FAN1: variants seen among roughly 807,000 people sequenced by gnomAD.
FAN1 encodes the protein FANCD2 and FANCI associated nuclease 1.
Under a neutral mutation model 104.9 loss-of-function variants are expected in FAN1, and 91 were observed. The ratio of observed to expected loss-of-function variants is 0.87; its 90% CI spans 0.73 to 1.03. The LOEUF (loss-of-function observed/expected upper bound fraction) is 1.03, where lower values mean the gene tolerates loss of function less well. FAN1 is among the 50% of genes least tolerant of loss of function. The pLI is 0.00. For missense variants in FAN1, 1,263 were observed against 1,239.9 expected (o/e 1.02, Z -0.28); for synonymous variants, 478 against 457.6 (o/e 1.04, Z -0.57).
intron 10 of FAN1, 155 bp from the exon 11 acceptor site, chr15:30,928,398 C>T (rs1375275213): frequency 1.5e-5 from 22 of 1,460,994 alleles, no homozygotes; most frequent in African/African-American, 1.1e-4. Flanking sequence ...CTGGGAATGG[C>T]GTGAAAACAG....
At position 30,942,252 on chromosome 15, in the gene FAN1, T is replaced by TA. The variant is rs1236525787; in HGVS notation, c.*691dup. ...CTCCTCCCCTGGAATTACACTTTTT[T>TA]ATGTGTTGACTCTACCTAGGCTGTT... On this transcript the variant is annotated 3_prime_UTR_variant, in exon 15 of 15. Coordinates refer to ENST00000362065, the MANE Select transcript of FAN1 (RefSeq NM_014967.5). 6.4e-6 allele frequency: 5 copies of TA among 778,588 alleles called. No homozygotes were observed. Among genetic ancestry groups the TA allele is most frequent in the Middle Eastern group, 3.8e-4 (1 of 2,624 alleles). The allele number at this position is 778,588 out of a possible 1,614,324, so 48.2% of individuals were successfully genotyped here. A position where few individuals can be genotyped will look rare whatever the true frequency, so the allele number is the denominator to read the frequency against.
rs911676919 is a variant in FAN1 at position 30,939,515 on chromosome 15, A to C, written c.*4-2051A>C. 9 of 981,428 alleles carry C rather than the reference A, an allele frequency of 9.2e-6. No individual in the cohort carries two copies. The African/African-American group carries it at 1.4e-4, about 15-fold the overall frequency. The allele number at this position is 981,428 out of a possible 1,614,324, so 60.8% of individuals were successfully genotyped here. The stretch of plus-strand genomic sequence containing the variant: ...TAAACTGTAGCACAATAATCATGAT[A>C]TAACAACTGTCCAGCAAAAATAAAA... On this transcript the variant is annotated intron_variant, in intron 14 of 14. Coordinates refer to ENST00000362065, the MANE Select transcript of FAN1 (RefSeq NM_014967.5).
At chr15:30,936,595 G>T (rs2062859302) in intron 13 of FAN1, among the ~76,000 whole-genome samples, 1 of 152,198 alleles carries the variant, frequency 6.6e-6, no homozygotes, top group African/African-American at 2.4e-5. Context: ...GCTACATACA[G>T]ACGCTTCTCA....
At chr15:30,908,040 C>A in intron 2 of FAN1, 78 bp from the exon 3 acceptor site, 2 of 1,269,922 alleles carry the variant, frequency 1.6e-6, no homozygotes, top group Non-Finnish European at 2.2e-6. Flanking sequence ...ATGTGTATTT[C>A]TAAATCGTAC....
At chr15:30,929,946 TATA>T (rs1214700462) in intron 12 of FAN1, among the ~76,000 whole-genome samples, 10 of 120,456 alleles carry the variant, frequency 8.3e-5, no homozygotes, top group East Asian at 2.1e-4. Flanking sequence ...AAATATATAA[TATA>T]ATATATATCA....
chr15:30,906,790 T>G (rs960568083), intron 2 of FAN1, among the ~76,000 whole-genome samples: 3 of 152,240 alleles, frequency 2.0e-5, no homozygotes, highest in Non-Finnish European at 2.9e-5. Flanking sequence ...CACAGCTGTG[T>G]GTAGTATCCA....
At chr15:30,940,411 T>TTTTA (rs1435372443) in intron 14 of FAN1, 10 of 985,444 alleles carry the variant, frequency 1.0e-5, no homozygotes, top group African/African-American at 1.7e-5. Context: ...GAATCCATTT[T>TTTTA]TTTATTTCTC....
At chr15:30,911,991 G>A (rs2062109551) in intron 4 of FAN1, among the ~76,000 whole-genome samples, 1 of 151,928 alleles carries the variant, frequency 6.6e-6, no homozygotes, top group African/African-American at 2.4e-5. Context: ...GAACCTGGGA[G>A]GTAGAGGTTG....
intron 5 of FAN1, among the ~76,000 whole-genome samples, chr15:30,915,947 G>A (rs528417684): frequency 4.4e-4 from 67 of 152,236 alleles, no homozygotes; most frequent in African/African-American, 1.5e-3. Context: ...TGTGATATTT[G>A]CTTTTAGGAA....
intron 4 of FAN1, 101 bp downstream of exon 4, chr15:30,910,916 CA>C (rs2062086320): frequency 6.9e-7 from 1 of 1,441,062 alleles, no homozygotes; most frequent in Non-Finnish European, 9.2e-7. Flanking sequence ...TTGTTTATTT[CA>C]GTTGTAGTTA....
At chr15:30,940,429 C>T in intron 14 of FAN1, 1 of 985,382 alleles carries the variant, frequency 1.0e-6, no homozygotes. Flanking sequence ...CTCCTCTATT[C>T]CTAAGCATTA....
At position 30,929,340 on chromosome 15, in the gene FAN1, A is replaced by G; in HGVS notation, c.2730A>G (p.Glu910=). 1 of 1,611,894 alleles carries G rather than the reference A, an allele frequency of 6.2e-7. No individual in the cohort carries two copies. The highest frequency in any genetic ancestry group is 8.5e-7 in the Non-Finnish European group (1 of 1,179,112). The change falls in exon 12 of 15, where the codon GAA becomes GAG. Residue 910 remains glutamate (E), a synonymous_variant. Coordinates refer to ENST00000362065, the MANE Select transcript of FAN1 (RefSeq NM_014967.5). ...AWVAATWHEQ[E]GRVASLVSWD... ...TGGCAGCCACGTGGCATGAGCAGGA[A>G]GGCAGAGTGGCTTCCCTTGTCAGCT...
In FAN1 at chr15:30,905,314, A is replaced by T. The variant is rs374878731; in HGVS notation, c.651A>T (p.Lys217Asn). The T allele has an allele frequency of 1.2e-6, 2 of 1,613,950 alleles. No homozygotes were observed. The highest frequency in any genetic ancestry group is 1.7e-5 in the Admixed American group (1 of 60,010). Residue 217 changes from lysine (K) to asparagine (N), a missense_variant, in exon 2 of 15, where the codon AAA becomes AAT. By Grantham distance (94) the Lys-to-Asn change is moderately conservative. This residue lies in a region of FAN1 where 682 missense variants were observed against 571.1 expected (regional missense o/e 1.19). Coordinates refer to ENST00000362065, the MANE Select transcript of FAN1 (RefSeq NM_014967.5). ...GTTCTCAAAAAGAAAACGTGTTTAA[A>T]TGTGATTCTCTAAAGGAAGAGTGCA... ...ENSSQKENVFKCDSLKEECIP... is the reference protein window; with the variant it reads ...ENSSQKENVFNCDSLKEECIP...
chr15:30,908,008 G>C, intron 2 of FAN1, 110 bp from the exon 3 acceptor site: 1 of 767,908 alleles, frequency 1.3e-6, no homozygotes, highest in Admixed American at 3.3e-5. Flanking sequence ...TAAAATGAAG[G>C]CCTTATACAT....
At chr15:30,925,757 G>C in intron 9 of FAN1, 32 bp from the exon 10 acceptor site, 3 of 1,612,596 alleles carry the variant, frequency 1.9e-6, no homozygotes, top group Non-Finnish European at 2.5e-6. Flanking sequence ...GCTGACCTGA[G>C]GCTAATAGAT....
In FAN1 at chr15:30,904,705, T is replaced by A; in HGVS notation, c.42T>A (p.Arg14=). The A allele has an allele frequency of 6.2e-7, 1 of 1,608,974 alleles. No homozygotes were observed. The highest frequency in any genetic ancestry group is 2.2e-5 in the East Asian group (1 of 44,808). The change falls in exon 2 of 15, where the codon CGT becomes CGA. Residue 14 remains arginine, a synonymous_variant. Transcript: ENST00000362065. ...EGKPPDKKRP[R]RSLSISKNKK... ...AACCTCCTGACAAAAAAAGGCCTCG[T>A]AGAAGCTTATCAATCAGCAAGAATA...
chr15:30,927,005 T>C, intron 10 of FAN1: 1 of 985,434 alleles, frequency 1.0e-6, no homozygotes, highest in Non-Finnish European at 1.2e-6. Context: ...ATGCACAGCA[T>C]GGACCACTTA....
In FAN1 at chr15:30,905,324, CTAAAG is replaced by C; in HGVS notation, c.662_666del (p.Leu221ArgfsTer6). 6.2e-7 allele frequency: 1 copy of C among 1,613,820 alleles called. No individual in the cohort carries two copies. Among genetic ancestry groups the C allele is most frequent in the Non-Finnish European group, 8.5e-7 (1 of 1,179,896 alleles). ...AGAAAACGTGTTTAAATGTGATTCTCTAAAGGAAGAGTGCATTCCTGAACATATGG... is the reference window on the plus strand; with the variant it reads ...AGAAAACGTGTTTAAATGTGATTCTCGAAGAGTGCATTCCTGAACATATGG... On this transcript the variant is annotated frameshift_variant, in exon 2 of 15. Coordinates refer to ENST00000362065, the MANE Select transcript of FAN1 (RefSeq NM_014967.5). LOFTEE classifies it high-confidence loss of function.
At chr15:30,919,026 A>G (rs2062254078) in intron 6 of FAN1, among the ~76,000 whole-genome samples, 1 of 152,222 alleles carries the variant, frequency 6.6e-6, no homozygotes, top group Admixed American at 6.5e-5. Context: ...GATATGTTAT[A>G]TGCATTATAT....
Sources: gnomAD v4.1 joint callset for allele counts (sites outside exome capture counted in the v4.1 genomes callset) on GRCh38, gnomAD v4.1.1 for gene constraint, gnomAD v4.1.1 regional missense constraint, MANE v1.5 for transcripts, NCBI Gene and HGNC (gene_info 2026-07-23, HGNC 2026-07-21) for gene names.